The following PDE4D variants were observed in gnomAD, a reference collection of about 807,000 sequenced individuals.
PDE4D encodes phosphodiesterase 4D.
PDE4D carries 24 observed loss-of-function variants against 87.4 expected under a neutral mutation model. That is an observed-to-expected ratio of 0.27 (90% CI 0.20 to 0.39). PDE4D has a LOEUF of 0.39. Ranked by LOEUF, PDE4D falls within the 10% of genes least tolerant of loss-of-function variation. PDE4D has a pLI of 1.00. For missense variants in PDE4D, 714 were observed against 1,041.0 expected, an observed-to-expected ratio of 0.69 and a Z score of 4.32; for synonymous variants, 384 against 383.2, an observed-to-expected ratio of 1.00 and a Z score of -0.02.
chr5:59,484,447 G>A (rs963267216), intron 1 of PDE4D, among the ~76,000 whole-genome samples: 1 of 152,078 alleles, frequency 6.6e-6, no homozygotes, highest in Non-Finnish European at 1.5e-5. Context: ...GAGTGTCTGT[G>A]CCTATTAAGT....
chr5:58,999,485 T>G, intron 6 of PDE4D: 1 of 1,506,644 alleles, frequency 6.6e-7, no homozygotes, highest in African/African-American at 1.4e-5. Flanking sequence ...TAAGTAAGTC[T>G]TACCTTTATG....
intron 2 of PDE4D, among the ~76,000 whole-genome samples, chr5:60,068,545 GT>G (rs1189733735): frequency 2.6e-5 from 4 of 151,618 alleles, no homozygotes; most frequent in Non-Finnish European, 5.9e-5. Flanking sequence ...CCCCCATTCT[GT>G]AAGTGTCCTT....
intron 1 of PDE4D, among the ~76,000 whole-genome samples, chr5:59,861,543 T>C (rs1173725547): frequency 6.6e-6 from 1 of 152,204 alleles, no homozygotes; most frequent in Non-Finnish European, 1.5e-5. Context: ...GGGAAAACAA[T>C]CAATTTGAGT....
chr5:59,685,650 G>A (rs1231611398), intron 1 of PDE4D, among the ~76,000 whole-genome samples: 1 of 152,004 alleles, frequency 6.6e-6, no homozygotes. Flanking sequence ...AAACTACTCT[G>A]CCTTCTATTG....
At chr5:59,665,105 C>T (rs1487410281) in intron 1 of PDE4D, among the ~76,000 whole-genome samples, 1 of 152,208 alleles carries the variant, frequency 6.6e-6, no homozygotes, top group African/African-American at 2.4e-5. Context: ...TGTCTCCAGT[C>T]AGACATGAAC....
At chr5:59,574,001 A>ATAT (rs1822339456) in intron 1 of PDE4D, among the ~76,000 whole-genome samples, 1 of 126,668 alleles carries the variant, frequency 7.9e-6, no homozygotes, top group African/African-American at 3.3e-5. Context: ...CTGTCTCAAA[A>ATAT]AAAAATATAT....
intron 1 of PDE4D, among the ~76,000 whole-genome samples, chr5:59,738,352 A>T (rs10073739): frequency 0.19 from 28,807 of 152,144 alleles, 3,298 homozygotes; most frequent in Middle Eastern, 0.35. Flanking sequence ...GAACAAAAAG[A>T]GTTCCTTTCC....
At chr5:59,695,221 A>G (rs1476802953) in intron 1 of PDE4D, among the ~76,000 whole-genome samples, 1 of 151,362 alleles carries the variant, frequency 6.6e-6, no homozygotes, top group African/African-American at 2.4e-5. Context: ...ATATCGAGTC[A>G]AGGAGCATTT....
intron 5 of PDE4D, among the ~76,000 whole-genome samples, chr5:59,134,878 G>T (rs1330428279): frequency 6.6e-6 from 1 of 152,116 alleles, no homozygotes; most frequent in Non-Finnish European, 1.5e-5. Context: ...GTTATTCAGG[G>T]TTCTTTCATC....
intron 1 of PDE4D, among the ~76,000 whole-genome samples, chr5:59,604,085 T>C (rs901320292): frequency 5.4e-5 from 8 of 147,274 alleles, no homozygotes; most frequent in African/African-American, 2.0e-4. Flanking sequence ...TATCAAGACA[T>C]GCCATATGTT....
At chr5:59,732,221 A>G (rs1026742389) in intron 1 of PDE4D, among the ~76,000 whole-genome samples, 1 of 152,136 alleles carries the variant, frequency 6.6e-6, no homozygotes, top group African/African-American at 2.4e-5. Flanking sequence ...GTGAATTTCA[A>G]TAAAATTCAC....
chr5:59,639,186 T>A (rs1287133287), intron 1 of PDE4D, among the ~76,000 whole-genome samples: 1 of 152,162 alleles, frequency 6.6e-6, no homozygotes, highest in Non-Finnish European at 1.5e-5. Flanking sequence ...GTGTATAGTC[T>A]CGATATTACT....
chr5:59,151,623 A>G (rs749764942), intron 5 of PDE4D, among the ~76,000 whole-genome samples: 25 of 152,312 alleles, frequency 1.6e-4, no homozygotes, highest in Non-Finnish European at 3.2e-4. Flanking sequence ...TGTGTATGGC[A>G]GCAGAGTGAC....
chr5:59,193,743 A>C, intron 2 of PDE4D: 2 of 985,380 alleles, frequency 2.0e-6, no homozygotes, highest in Non-Finnish European at 2.4e-6. Context: ...TCCCTGGGTA[A>C]AAAGAGGGGC....
At chr5:60,446,701 G>A (rs1314261695) in intron 1 of PDE4D, among the ~76,000 whole-genome samples, 1 of 152,172 alleles carries the variant, frequency 6.6e-6, no homozygotes, top group Non-Finnish European at 1.5e-5. Context: ...CTGATTCACA[G>A]TGATGTGTTA....
intron 1 of PDE4D, among the ~76,000 whole-genome samples, chr5:59,622,420 T>C (rs552482711): frequency 9.8e-4 from 149 of 152,328 alleles, no homozygotes; most frequent in Non-Finnish European, 1.4e-3. Context: ...CCATCTGATG[T>C]AGCTGACTTT....
intron 1 of PDE4D, among the ~76,000 whole-genome samples, chr5:59,361,702 TGAGAACATG>T (rs1782261029): frequency 6.6e-6 from 1 of 152,152 alleles, no homozygotes; most frequent in Admixed American, 6.6e-5. Context: ...CTAAACACTA[TGAGAACATG>T]GATAACATCT....
At chr5:59,276,743 C>T (rs978782187) in intron 1 of PDE4D, among the ~76,000 whole-genome samples, 3 of 152,012 alleles carry the variant, frequency 2.0e-5, no homozygotes, top group Admixed American at 6.6e-5. Flanking sequence ...TCTCTACACA[C>T]AAAGACTTGG....
intron 1 of PDE4D, among the ~76,000 whole-genome samples, chr5:60,386,661 C>T (rs963053952): frequency 1.3e-5 from 2 of 152,284 alleles, no homozygotes; most frequent in Admixed American, 6.5e-5. Flanking sequence ...CCATCACAAG[C>T]AATGCATTTA....
Sources: allele counts gnomAD v4.1 joint callset (sites outside exome capture counted in the v4.1 genomes callset), GRCh38; gene constraint gnomAD v4.1.1; transcripts MANE v1.5; gene names NCBI Gene and HGNC (gene_info 2026-07-23, HGNC 2026-07-21).